Variants in NOS1AP observed in about 807,000 individuals in gnomAD.
NOS1AP encodes the protein carboxyl-terminal PDZ ligand of neuronal nitric oxide synthase protein.
Under a neutral mutation model 56.2 loss-of-function variants are expected in NOS1AP, and 21 were observed. The observed-to-expected ratio is 0.37, with a 90% CI of 0.26 to 0.54. NOS1AP has a LOEUF of 0.54. Ranked by LOEUF, NOS1AP falls within the 20% of genes least tolerant of loss-of-function variation. The pLI is 0.84. For synonymous variants in NOS1AP, 270 were observed against 274.6 expected, an observed-to-expected ratio of 0.98 and a Z score of 0.17; for missense variants, 522 against 657.8, an observed-to-expected ratio of 0.79 and a Z score of 2.26.
intron 9 of NOS1AP, 167 bp from the exon 10 acceptor site, chr1:162,366,885 G>T: frequency 1.3e-6 from 1 of 760,500 alleles, no homozygotes. Context: ...GGAGCTATGT[G>T]GGGGCGGGAG....
At chr1:162,075,020 A>AGGGACTT (rs1691738862) in intron 1 of NOS1AP, among the ~76,000 whole-genome samples, 2 of 152,218 alleles carry the variant, frequency 1.3e-5, no homozygotes, top group Non-Finnish European at 2.9e-5. Flanking sequence ...GGGAAGAGAC[A>AGGGACTT]TAAGCCCTAC....
chr1:162,173,794 G>A (rs1650922415), intron 2 of NOS1AP, among the ~76,000 whole-genome samples: 1 of 152,204 alleles, frequency 6.6e-6, no homozygotes, highest in Non-Finnish European at 1.5e-5. Context: ...CATTTATGCA[G>A]CCAAAAGACA....
chr1:162,207,801 A>G (rs1405267747), intron 2 of NOS1AP, among the ~76,000 whole-genome samples: 1 of 152,216 alleles, frequency 6.6e-6, no homozygotes, highest in Non-Finnish European at 1.5e-5. Flanking sequence ...ATGTCAAACT[A>G]TAAACTGCTT....
chr1:162,327,455 A>C (rs748137710), intron 4 of NOS1AP, among the ~76,000 whole-genome samples: 3 of 152,224 alleles, frequency 2.0e-5, no homozygotes, highest in Non-Finnish European at 2.9e-5. Context: ...AAGGGGGCAA[A>C]CCTGCATCAG....
rs576845993 is a variant in NOS1AP, at chr1:162,264,402, C to CCTCCTCTCTTCTCTT, written c.178-22939_178-22938insCTCTCTTCTCTTCTC. Among the ~76,000 whole-genome samples the CCTCCTCTCTTCTCTT allele has an allele frequency of 6.0e-4, 27 of 44,932 alleles. 5 individuals carry two copies. The highest frequency in any genetic ancestry group is 9.1e-4 in the South Asian group (1 of 1,098). The allele number at this position is 44,932 out of a possible 152,430, so 29.5% of individuals were successfully genotyped here. ...TGTTTCTCATCCCTCTTTGCCCTCTCCTCTTCTCTTCCCTTCTCTTCCCTT... is the reference window on the plus strand; with the variant it reads ...TGTTTCTCATCCCTCTTTGCCCTCTCCTCCTCTCTTCTCTTCTCTTCTCTTCCCTTCTCTTCCCTT... On this transcript the variant is annotated intron_variant, in intron 2 of 9. Coordinates refer to ENST00000361897, the MANE Select transcript of NOS1AP (RefSeq NM_014697.3).
At position 162,219,363 on chromosome 1, in the gene NOS1AP, C is replaced by T. The variant is rs556378645; in HGVS notation, c.177+64887C>T. On this transcript the variant is annotated intron_variant, in intron 2 of 9. Coordinates refer to ENST00000361897, the MANE Select transcript of NOS1AP (RefSeq NM_014697.3). ...TATGTTTTTAGGTCTCAGATAGGCT[C>T]CTGTTTCCATCTTCCTTTCATCTCC... 1.5e-4 allele frequency among the ~76,000 whole-genome samples: 23 copies of T among 152,252 alleles called. No homozygotes were observed. The South Asian group carries it at 4.4e-3, about 29-fold the overall frequency.
At chr1:162,296,272 C>T (rs1482192603) in intron 3 of NOS1AP, among the ~76,000 whole-genome samples, 2 of 152,058 alleles carry the variant, frequency 1.3e-5, no homozygotes, top group Non-Finnish European at 2.9e-5. Context: ...GGTGACAGAG[C>T]GAGACTCTGT....
At chr1:162,297,585 G>A (rs2819309) in intron 3 of NOS1AP, among the ~76,000 whole-genome samples, 150,524 of 152,256 alleles carry the variant, frequency 0.99, 74,425 homozygotes, top group Middle Eastern at 1. Context: ...GTGGCTCTCA[G>A]GCCCAGGGTC....
intron 2 of NOS1AP, among the ~76,000 whole-genome samples, chr1:162,164,263 C>A (rs1465661469): frequency 1.3e-5 from 2 of 152,098 alleles, no homozygotes; most frequent in Non-Finnish European, 1.5e-5. Flanking sequence ...CACTAACCAC[C>A]CTTTAGGGAC....
Position 162,333,069 on chromosome 1 carries a change from G to T in NOS1AP, c.397G>T (p.Ala133Ser). 1.2e-6 allele frequency: 2 copies of T among 1,613,810 alleles called. No individual in the cohort carries two copies. Among genetic ancestry groups the T allele is most frequent in the Non-Finnish European group, 1.7e-6 (2 of 1,179,846 alleles). The change falls in exon 5 of 10, where the codon GCT becomes TCT. Residue 133 changes from alanine (A) to serine (S), a missense_variant. Physicochemically the swap from Ala to Ser is moderately conservative, Grantham distance 99 (BLOSUM62 1). This residue lies in a region of NOS1AP where 132 missense variants were observed against 218.1 expected (regional missense o/e 0.61). Transcript: ENST00000361897. ...SQDLKIFSYI[A>S]RDGASNIFRC... ...AGACTTGAAGATCTTCAGCTATATC[G>T]CTCGAGATGGTGCCAGCAATATCTT...
At chr1:162,354,439 T>G (rs1022790385) in intron 6 of NOS1AP, among the ~76,000 whole-genome samples, 9 of 152,238 alleles carry the variant, frequency 5.9e-5, no homozygotes, top group Admixed American at 5.9e-4. Flanking sequence ...TATTAAGCAG[T>G]ATGCTGTGCC....
chr1:162,078,226 G>A (rs896220629), intron 1 of NOS1AP, among the ~76,000 whole-genome samples: 9 of 152,046 alleles, frequency 5.9e-5, no homozygotes, highest in African/African-American at 7.3e-5. Context: ...ATCTTTATGC[G>A]CAGCTTCCTG....
chr1:162,334,048 A>G (rs1858232), intron 5 of NOS1AP, among the ~76,000 whole-genome samples: 42,483 of 152,038 alleles, frequency 0.28, 6,370 homozygotes, highest in East Asian at 0.55. Context: ...TTCTACAAGA[A>G]CTTCATTTTA....
chr1:162,123,378 T>G (rs3908851), intron 1 of NOS1AP, among the ~76,000 whole-genome samples: 147,548 of 152,194 alleles, frequency 0.97, 71,692 homozygotes, highest in East Asian at 1. Flanking sequence ...TGCCATGTTG[T>G]CCAGGCTGGT....
At position 162,194,900 on chromosome 1, in the gene NOS1AP, T is replaced by A. The variant is rs535578305; in HGVS notation, c.177+40424T>A. On this transcript the variant is annotated intron_variant, in intron 2 of 9. Transcript: ENST00000361897. ...ACCTTGCAGGAGCTAGAATTTTATA[T>A]CCAGCATTATTTTGGAGGACCTGGC... 9.8e-5 allele frequency among the ~76,000 whole-genome samples: 15 copies of A among 152,304 alleles called. No homozygotes were observed. In the East Asian group the frequency reaches 2.5e-3, roughly 25 times the overall value.
intron 1 of NOS1AP, among the ~76,000 whole-genome samples, chr1:162,083,969 G>A (rs1691947917): frequency 6.6e-6 from 1 of 152,158 alleles, no homozygotes. Flanking sequence ...CAAAATAATA[G>A]CTAAGTACTC....
Position 162,225,859 on chromosome 1 carries a change from C to T in NOS1AP, c.178-61485C>T, listed in dbSNP as rs112468105. 2.5e-3 allele frequency among the ~76,000 whole-genome samples: 378 copies of T among 152,308 alleles called. 2 individuals carry two copies. Among genetic ancestry groups the T allele is most frequent in the African/African-American group, 8.3e-3 (345 of 41,558 alleles). On this transcript the variant is annotated intron_variant, in intron 2 of 9. Transcript: ENST00000361897. ...GGCCCTATAGTCACCTCTACTTTAG[C>T]TGCAGAATACTAATAGCTCAAATTA... is the stretch of plus-strand genomic sequence containing the variant.
At chr1:162,324,692 C>T (rs1656527660) in intron 4 of NOS1AP, among the ~76,000 whole-genome samples, 1 of 152,096 alleles carries the variant, frequency 6.6e-6, no homozygotes, top group Non-Finnish European at 1.5e-5. Flanking sequence ...GTCTTAAAAC[C>T]TCAATTGGTT....
intron 2 of NOS1AP, among the ~76,000 whole-genome samples, chr1:162,273,308 C>T (rs957957734): frequency 1.3e-5 from 2 of 151,898 alleles, no homozygotes; most frequent in African/African-American, 4.8e-5. Context: ...GGACTACAGG[C>T]GCCCGCCACC....
Sources: allele counts gnomAD v4.1 joint callset (sites outside exome capture counted in the v4.1 genomes callset), GRCh38; gene constraint gnomAD v4.1.1; regional missense constraint gnomAD v4.1.1; transcripts MANE v1.5; gene names NCBI Gene and HGNC (gene_info 2026-07-23, HGNC 2026-07-21).